The following LDLRAD3 variants were observed in gnomAD, a reference collection of about 807,000 sequenced individuals.
LDLRAD3 encodes low-density lipoprotein receptor class A domain-containing protein 3.
A neutral mutation model predicts 29.4 loss-of-function variants in LDLRAD3; 20 were observed. The ratio of observed to expected loss-of-function variants is 0.68; its 90% confidence interval spans 0.48 to 0.99. The LOEUF (loss-of-function observed/expected upper bound fraction) is 0.99. Ranked by LOEUF, LDLRAD3 falls within the 50% of genes least tolerant of loss-of-function variation. LDLRAD3 has a pLI of 0.00. For missense variants in LDLRAD3, 420 were observed against 454.3 expected, an observed-to-expected ratio of 0.92 and a Z score of 0.69; for synonymous variants, 157 against 192.7, an observed-to-expected ratio of 0.81 and a Z score of 1.53.
chr11:35,994,949 T>C (rs1381666873), intron 1 of LDLRAD3, among the ~76,000 whole-genome samples: 1 of 152,208 alleles, frequency 6.6e-6, no homozygotes, highest in Non-Finnish European at 1.5e-5. Flanking sequence ...GTTCTTTTGC[T>C]CTTTCCACTA....
chr11:36,041,483 T>A (rs766776453), intron 2 of LDLRAD3, among the ~76,000 whole-genome samples: 84 of 152,244 alleles, frequency 5.5e-4, no homozygotes, highest in Non-Finnish European at 1.8e-4. Flanking sequence ...CATATTATCA[T>A]GTCAAACCTG....
At chr11:36,148,137 TG>T in intron 4 of LDLRAD3, among the ~76,000 whole-genome samples, 1 of 152,212 alleles carries the variant, frequency 6.6e-6, no homozygotes, top group East Asian at 1.9e-4. Flanking sequence ...CCCAAAATGC[TG>T]GGATTACAGG....
chr11:36,070,856 C>G (rs1232632182), intron 2 of LDLRAD3, among the ~76,000 whole-genome samples: 1 of 152,092 alleles, frequency 6.6e-6, no homozygotes, highest in Non-Finnish European at 1.5e-5. Flanking sequence ...GTCCTAAGAG[C>G]GAGAGCCTGC....
chr11:35,958,435 C>G lies in LDLRAD3; in HGVS notation c.46+14291C>G, dbSNP rs74444387. ...TTGCCCCATGGTGCTTGGTGCCCAG[C>G]ACTTCATTTCTTTATTTTCTTCTGT... On this transcript the variant is annotated intron_variant, in intron 1 of 5. Transcript: ENST00000315571. Among the ~76,000 whole-genome samples, 484 of 152,256 alleles carry G rather than the reference C, an allele frequency of 3.2e-3. 3 individuals carry two copies. In the Middle Eastern group the frequency reaches 0.037, roughly 12 times the overall value.
chr11:36,164,757 T>C (rs1590323222), intron 4 of LDLRAD3, among the ~76,000 whole-genome samples: 1 of 152,252 alleles, frequency 6.6e-6, no homozygotes, highest in Non-Finnish European at 1.5e-5. Flanking sequence ...TGGACAGAGA[T>C]AGAAGCTTTG....
intron 1 of LDLRAD3, among the ~76,000 whole-genome samples, chr11:36,015,447 C>T (rs567038747): frequency 2.0e-5 from 3 of 151,960 alleles, no homozygotes; most frequent in Non-Finnish European, 4.4e-5. Context: ...TGTCTATAAG[C>T]CAGCTGTGCT....
intron 1 of LDLRAD3, among the ~76,000 whole-genome samples, chr11:35,987,615 A>G (rs1851631027): frequency 6.6e-6 from 1 of 152,194 alleles, no homozygotes; most frequent in South Asian, 2.1e-4. Flanking sequence ...CTGTGTATGT[A>G]GTAGTCCATG....
chr11:36,010,952 T>C (rs1314767853), intron 1 of LDLRAD3, among the ~76,000 whole-genome samples: 1 of 152,156 alleles, frequency 6.6e-6, no homozygotes, highest in Non-Finnish European at 1.5e-5. Flanking sequence ...ATTGCAGGCA[T>C]GCACCACCAA....
intron 4 of LDLRAD3, among the ~76,000 whole-genome samples, chr11:36,196,049 C>T (rs1182963671): frequency 1.3e-5 from 2 of 148,932 alleles, no homozygotes; most frequent in South Asian, 2.1e-4. Flanking sequence ...AAAAAGCATA[C>T]CCCATCCAAA....
At chr11:35,998,739 G>A (rs1851786027) in intron 1 of LDLRAD3, among the ~76,000 whole-genome samples, 1 of 152,304 alleles carries the variant, frequency 6.6e-6, no homozygotes, top group South Asian at 2.1e-4. Flanking sequence ...AATAGTAATA[G>A]CACTTTAAAG....
At chr11:36,219,679 T>C (rs1855401892) in intron 4 of LDLRAD3, among the ~76,000 whole-genome samples, 1 of 152,240 alleles carries the variant, frequency 6.6e-6, no homozygotes, top group Admixed American at 6.5e-5. Flanking sequence ...GACATAAATG[T>C]AGAAGCTAAA....
rs1554972349 is a variant in LDLRAD3, at chr11:36,189,583, T to TA, written c.455-37502_455-37501insA. ...TACGTAACCACGAATTTACTTTTTT[T>TA]TTATTATTATTATACTTTAAGTTCT... On this transcript the variant is annotated intron_variant, in intron 4 of 5. Coordinates refer to ENST00000315571, the MANE Select transcript of LDLRAD3 (RefSeq NM_174902.4). Among the ~76,000 whole-genome samples, 12 of 152,152 alleles carry TA rather than the reference T, an allele frequency of 7.9e-5. 1 individual carries two copies. Among genetic ancestry groups the TA allele is most frequent in the Non-Finnish European group, 1.3e-4 (9 of 67,996 alleles).
chr11:36,123,934 C>A (rs185093374), intron 4 of LDLRAD3, among the ~76,000 whole-genome samples: 14 of 152,282 alleles, frequency 9.2e-5, no homozygotes, highest in African/African-American at 3.1e-4. Flanking sequence ...TCAAAATTAC[C>A]GTAAGTCAGC....
rs186836614 is a variant in LDLRAD3 at position 36,009,924 on chromosome 11, C to T, written c.47-26179C>T. Among the ~76,000 whole-genome samples the T allele has an allele frequency of 7.2e-5, 11 of 152,322 alleles. No individual in the cohort carries two copies. The East Asian group carries it at 2.1e-3, about 29-fold the overall frequency. The stretch of plus-strand genomic sequence containing the variant: ...CATAGCCACTCATGATCGGATTCTA[C>T]TCCTTGCTTTTATCTTGCTTGTTGT... On this transcript the variant is annotated intron_variant, in intron 1 of 5. Transcript: ENST00000315571.
chr11:36,204,075 A>T (rs61879039), intron 4 of LDLRAD3, among the ~76,000 whole-genome samples: 9,897 of 152,016 alleles, frequency 0.065, 428 homozygotes, highest in East Asian at 0.17. Context: ...ACCCGGGGAG[A>T]ACCTTTTGCC....
intron 4 of LDLRAD3, among the ~76,000 whole-genome samples, chr11:36,152,400 A>G (rs1240429606): frequency 1.3e-5 from 2 of 152,224 alleles, no homozygotes; most frequent in African/African-American, 4.8e-5. Context: ...TGACTTGGCC[A>G]CAGTCACACA....
At chr11:35,988,086 C>G (rs908993155) in intron 1 of LDLRAD3, among the ~76,000 whole-genome samples, 3 of 152,320 alleles carry the variant, frequency 2.0e-5, no homozygotes, top group African/African-American at 7.2e-5. Flanking sequence ...GAGACATGGT[C>G]TCACTCTGTC....
At chr11:36,155,778 T>C (rs1253818044) in intron 4 of LDLRAD3, among the ~76,000 whole-genome samples, 1 of 152,190 alleles carries the variant, frequency 6.6e-6, no homozygotes, top group Non-Finnish European at 1.5e-5. Flanking sequence ...TCATAGTAGG[T>C]GCGTAGCAAG....
intron 4 of LDLRAD3, among the ~76,000 whole-genome samples, chr11:36,225,201 C>T (rs1855482691): frequency 6.6e-6 from 1 of 152,204 alleles, no homozygotes; most frequent in Non-Finnish European, 1.5e-5. Flanking sequence ...CCCCTGTGGA[C>T]CCACTGAAAC....
Sources: allele counts gnomAD v4.1 joint callset (sites outside exome capture counted in the v4.1 genomes callset), GRCh38; gene constraint gnomAD v4.1.1; transcripts MANE v1.5; gene names NCBI Gene and HGNC (gene_info 2026-07-23, HGNC 2026-07-21).